UNC79: variants seen among roughly 807,000 people sequenced by gnomAD.
UNC79 encodes the protein protein unc-79 homolog.
A neutral mutation model predicts 283.1 loss-of-function variants in UNC79; 37 were observed. That is an observed-to-expected ratio of 0.13 (90% CI 0.10 to 0.17). UNC79 has a LOEUF of 0.17. UNC79 is among the 10% of genes least tolerant of loss of function. UNC79 has a pLI of 1.00. For missense variants in UNC79, 2,272 were observed against 3,211.1 expected (o/e 0.71, Z 7.07); for synonymous variants, 1,107 against 1,200.2 (o/e 0.92, Z 1.61).
At chr14:93,339,871 G>A (rs2139874646) in intron 1 of UNC79, among the ~76,000 whole-genome samples, 1 of 152,322 alleles carries the variant, frequency 6.6e-6, no homozygotes, top group Middle Eastern at 3.4e-3. Context: ...TAGTATGTAT[G>A]GTTGCAATAT....
chr14:93,454,812 T>G (rs991176271), intron 1 of UNC79, among the ~76,000 whole-genome samples: 4 of 152,220 alleles, frequency 2.6e-5, no homozygotes, highest in African/African-American at 9.6e-5. Flanking sequence ...GCTGCCTAAC[T>G]TGTTGCTAAT....
chr14:93,524,164 A>G (rs907402120), intron 8 of UNC79, 122 bp downstream of exon 8: 21 of 1,040,078 alleles, frequency 2.0e-5, no homozygotes, highest in Non-Finnish European at 3.0e-5. Context: ...AATTCGAAGT[A>G]CCTCCATATT....
In UNC79 at chr14:93,673,443, T is replaced by C. The variant is rs745617227; in HGVS notation, c.6729T>C (p.Leu2243=). 44 of 1,612,710 alleles carry C rather than the reference T, an allele frequency of 2.7e-5. 1 individual carries two copies. The highest frequency in any genetic ancestry group is 1.1e-5 in the South Asian group (1 of 90,808). The change falls in exon 41 of 49, where the codon CTT becomes CTC. Residue 2243 remains leucine, a synonymous_variant. Transcript: ENST00000555664. ...CTCCTTTACCAGATACAAACCTTCT[T>C]CTGCTTGTTCAGGTAAGCTCATGCT...
At chr14:93,659,731 C>G (rs1424264170) in intron 39 of UNC79, among the ~76,000 whole-genome samples, 1 of 152,202 alleles carries the variant, frequency 6.6e-6, no homozygotes, top group Non-Finnish European at 1.5e-5. Context: ...TTATCATCAT[C>G]ATCATCGAAA....
chr14:93,571,446 G>A (rs370536810), intron 14 of UNC79, among the ~76,000 whole-genome samples: 65 of 152,248 alleles, frequency 4.3e-4, no homozygotes, highest in African/African-American at 1.5e-3. Flanking sequence ...GTGTACTACC[G>A]TATTTCCTGT....
intron 1 of UNC79, among the ~76,000 whole-genome samples, chr14:93,344,657 A>T (rs2053785779): frequency 6.6e-6 from 1 of 152,240 alleles, no homozygotes; most frequent in East Asian, 1.9e-4. Flanking sequence ...GTAGTGTAAC[A>T]ACTGTGGCCA....
intron 24 of UNC79, among the ~76,000 whole-genome samples, chr14:93,598,109 C>A (rs991845577): frequency 6.6e-6 from 1 of 152,094 alleles, no homozygotes; most frequent in Admixed American, 6.5e-5. Context: ...TCCTCAGCCT[C>A]CTGAATAGCT....
At chr14:93,586,838 T>A (rs748621420) in exon 22 of UNC79, 11 of 1,614,090 alleles carry the variant, frequency 6.8e-6, no homozygotes, top group Admixed American at 1.7e-5. Flanking sequence ...GCATGGAGAA[T>A]GTTTATACAT....
At chr14:93,566,297 G>A (rs891800888) in intron 14 of UNC79, among the ~76,000 whole-genome samples, 4 of 152,172 alleles carry the variant, frequency 2.6e-5, no homozygotes, top group Non-Finnish European at 5.9e-5. Context: ...TCCTAGACAA[G>A]GGTTTTATTT....
At chr14:93,507,165 G>A (rs967122735) in intron 7 of UNC79, among the ~76,000 whole-genome samples, 4 of 152,160 alleles carry the variant, frequency 2.6e-5, no homozygotes, top group African/African-American at 9.6e-5. Context: ...TATTTGGGTT[G>A]TTTTCAGTTT....
Position 93,467,619 on chromosome 14 carries a change from T to C in UNC79, c.23-52T>C, listed in dbSNP as rs1354059109. ...TACAAGATGATTCTTCTCTTTCTTT[T>C]TCTTCTTCCTTTTTTTTTTTTTTTT... is the stretch of plus-strand genomic sequence containing the variant. On this transcript the variant is annotated intron_variant, in intron 1 of 48. Transcript: ENST00000555664. 5 of 1,228,882 alleles carry C rather than the reference T, an allele frequency of 4.1e-6. No individual in the cohort carries two copies. The African/African-American group carries it at 8.6e-5, about 21-fold the overall frequency. 76.1% of individuals were successfully genotyped at this position (1,228,882 alleles called of 1,614,324 possible). A position where few individuals can be genotyped will look rare whatever the true frequency, so the allele number is the denominator to read the frequency against.
chr14:93,553,656 A>G (rs1169408472), intron 14 of UNC79, among the ~76,000 whole-genome samples: 1 of 152,248 alleles, frequency 6.6e-6, no homozygotes, highest in African/African-American at 2.4e-5. Flanking sequence ...TGTTATTGAT[A>G]GCAGATACTT....
intron 1 of UNC79, among the ~76,000 whole-genome samples, chr14:93,336,771 C>G (rs1031766014): frequency 6.6e-6 from 1 of 152,164 alleles, no homozygotes; most frequent in East Asian, 1.9e-4. Context: ...AGACAAGATT[C>G]ATAGATTCAA....
At chr14:93,684,050 A>G (rs572494126) in intron 42 of UNC79, among the ~76,000 whole-genome samples, 103 of 152,256 alleles carry the variant, frequency 6.8e-4, no homozygotes, top group African/African-American at 2.4e-3. Flanking sequence ...TAGCAATGAG[A>G]GCACTTTACA....
chr14:93,347,042 A>C, intron 1 of UNC79: 1 of 476,328 alleles, frequency 2.1e-6, no homozygotes, highest in Non-Finnish European at 3.7e-6. Flanking sequence ...CAAAGCACGG[A>C]CTGCTGAGTG....
chr14:93,420,178 T>TA (rs60757202), intron 1 of UNC79, among the ~76,000 whole-genome samples: 1,592 of 103,860 alleles, frequency 0.015, 23 homozygotes, highest in African/African-American at 0.039. Flanking sequence ...GCTGAACAGA[T>TA]AAAAAAAAAA....
intron 22 of UNC79, among the ~76,000 whole-genome samples, chr14:93,591,914 A>T (rs1234091195): frequency 2.6e-5 from 4 of 152,198 alleles, no homozygotes; most frequent in African/African-American, 7.2e-5. Flanking sequence ...GCAACAGGAG[A>T]TGGCTACAAA....
intron 20 of UNC79, among the ~76,000 whole-genome samples, chr14:93,586,025 A>T (rs920793806): frequency 9.9e-5 from 15 of 151,958 alleles, no homozygotes; most frequent in Non-Finnish European, 1.9e-4. Context: ...GTGATTACAG[A>T]TGCCCACCAT....
intron 4 of UNC79, among the ~76,000 whole-genome samples, chr14:93,481,298 T>C (rs984293694): frequency 1.3e-5 from 2 of 152,200 alleles, no homozygotes; most frequent in African/African-American, 4.8e-5. Context: ...TTACTAAGAA[T>C]TGAGAAAGTC....
Sources: gnomAD v4.1 joint callset for allele counts (sites outside exome capture counted in the v4.1 genomes callset) on GRCh38, gnomAD v4.1.1 for gene constraint, MANE v1.5 for transcripts, NCBI Gene and HGNC (gene_info 2026-07-23, HGNC 2026-07-21) for gene names.